GRM7: variants seen among roughly 807,000 people sequenced by gnomAD.
GRM7 encodes metabotropic glutamate receptor 7.
GRM7 carries 35 observed loss-of-function variants against 84.5 expected under a neutral mutation model. The ratio of observed to expected loss-of-function variants is 0.41; its 90% CI spans 0.32 to 0.55. GRM7 has a LOEUF of 0.55. GRM7 is among the 20% of genes least tolerant of loss of function. The pLI is 0.19. For synonymous variants in GRM7, 487 were observed against 455.1 expected, an observed-to-expected ratio of 1.07 and a Z score of -0.89; for missense variants, 1,003 against 1,194.6, an observed-to-expected ratio of 0.84 and a Z score of 2.36.
At chr3:6,972,177 C>A (rs1693782762) in intron 1 of GRM7, among the ~76,000 whole-genome samples, 2 of 152,114 alleles carry the variant, frequency 1.3e-5, no homozygotes, top group South Asian at 4.1e-4. Flanking sequence ...TGTGTTGTGG[C>A]ATTTTCTCAC....
At chr3:7,409,603 GTTTTGT>G (rs1695833230) in intron 4 of GRM7, among the ~76,000 whole-genome samples, 1 of 104,826 alleles carries the variant, frequency 9.5e-6, no homozygotes, top group African/African-American at 2.9e-5. Flanking sequence ...GTTTTGTTTT[GTTTTGT>G]TTTGTTTTTG....
chr3:7,074,745 G>T (rs1236959127), intron 1 of GRM7, among the ~76,000 whole-genome samples: 2 of 152,164 alleles, frequency 1.3e-5, no homozygotes, highest in Non-Finnish European at 2.9e-5. Flanking sequence ...AAATACCAAT[G>T]TAGAATAAAG....
In GRM7 at chr3:6,862,962, C is replaced by A. The variant is rs1457797924; in HGVS notation, c.519+1055C>A. On this transcript the variant is annotated intron_variant, in intron 1 of 9. Coordinates refer to ENST00000357716, the MANE Select transcript of GRM7 (RefSeq NM_000844.4). The surrounding 1 kb of genome is among the most constrained non-coding windows in gnomAD (Gnocchi z 5.2). ...TGCCGCAGTGTTCTCTCGCCTCCTG[C>A]TCCAGCAGCCTCTGCCCCATGGCTC... The A allele has an allele frequency of 2.2e-6, 1 of 456,060 alleles. No individual in the cohort carries two copies. Among genetic ancestry groups the A allele is most frequent in the Non-Finnish European group, 4.4e-6 (1 of 226,690 alleles). 28.3% of individuals were successfully genotyped at this position (456,060 alleles called of 1,614,324 possible).
At chr3:7,236,467 G>T (rs545299744) in intron 2 of GRM7, among the ~76,000 whole-genome samples, 2 of 152,150 alleles carry the variant, frequency 1.3e-5, no homozygotes, top group Non-Finnish European at 2.9e-5. Context: ...TGACTTGACA[G>T]CTCCTTCCAT....
chr3:6,987,153 A>G (rs989924106), intron 1 of GRM7, among the ~76,000 whole-genome samples: 5 of 151,720 alleles, frequency 3.3e-5, no homozygotes, highest in South Asian at 2.1e-4. Context: ...TTTTTCTTCT[A>G]GCCTTCTGTG....
intron 1 of GRM7, among the ~76,000 whole-genome samples, chr3:6,926,379 T>C (rs2163734): frequency 0.074 from 11,259 of 152,318 alleles, 568 homozygotes; most frequent in Non-Finnish European, 0.11. Context: ...TTTAATCTTA[T>C]GTTTTAAGAC....
At chr3:7,134,031 A>G (rs991859999) in intron 1 of GRM7, among the ~76,000 whole-genome samples, 2 of 152,186 alleles carry the variant, frequency 1.3e-5, no homozygotes, top group African/African-American at 4.8e-5. Flanking sequence ...AACCCCTCCC[A>G]TACTTATAAC....
At chr3:7,006,223 A>G (rs1695180052) in intron 1 of GRM7, among the ~76,000 whole-genome samples, 1 of 152,194 alleles carries the variant, frequency 6.6e-6, no homozygotes, top group Non-Finnish European at 1.5e-5. Flanking sequence ...TAGCCTTATC[A>G]TTTTTAGATA....
At chr3:7,497,760 A>ATCT (rs1699755798) in intron 7 of GRM7, among the ~76,000 whole-genome samples, 1 of 152,190 alleles carries the variant, frequency 6.6e-6, no homozygotes, top group African/African-American at 2.4e-5. Context: ...TTTAAGTCCT[A>ATCT]ACTTCACCAT....
Position 6,914,954 on chromosome 3 carries a change from C to A in GRM7, c.519+53047C>A, listed in dbSNP as rs1575008542. Among the ~76,000 whole-genome samples the A allele has an allele frequency of 3.9e-5, 6 of 152,098 alleles. No homozygotes were observed. The South Asian group carries it at 1.2e-3, about 32-fold the overall frequency. On this transcript the variant is annotated intron_variant, in intron 1 of 9. Coordinates refer to ENST00000357716, the MANE Select transcript of GRM7 (RefSeq NM_000844.4). ...ATAACAGCTAGGCCGATATTTTTGACAGGAACTCAAGAGGACAAAAAGAAA... is the reference window on the plus strand; with the variant it reads ...ATAACAGCTAGGCCGATATTTTTGAAAGGAACTCAAGAGGACAAAAAGAAA...
intron 4 of GRM7, among the ~76,000 whole-genome samples, chr3:7,404,288 ACTCCT>A (rs1695583080): frequency 1.3e-5 from 2 of 151,888 alleles, no homozygotes; most frequent in African/African-American, 4.8e-5. Context: ...CTTGGCAAGC[ACTCCT>A]CTTGTAATCT....
chr3:7,577,123 C>G (rs1464138670), intron 7 of GRM7, among the ~76,000 whole-genome samples: 1 of 152,146 alleles, frequency 6.6e-6, no homozygotes, highest in Non-Finnish European at 1.5e-5. Flanking sequence ...CAGAAAAAGT[C>G]AAGAAATTAA....
At chr3:7,101,523 A>T (rs1574905656) in intron 1 of GRM7, among the ~76,000 whole-genome samples, 1 of 150,998 alleles carries the variant, frequency 6.6e-6, no homozygotes, top group East Asian at 1.9e-4. Context: ...TTTATTTTGT[A>T]CTCAGTTCAT....
intron 1 of GRM7, among the ~76,000 whole-genome samples, chr3:7,129,210 T>C (rs956334784): frequency 1.3e-5 from 2 of 152,206 alleles, no homozygotes; most frequent in African/African-American, 4.8e-5. Flanking sequence ...AACAAACAAT[T>C]GATATCCTAC....
intron 9 of GRM7, among the ~76,000 whole-genome samples, chr3:7,710,568 AT>A (rs1701547236): frequency 6.6e-6 from 1 of 152,100 alleles, no homozygotes; most frequent in Non-Finnish European, 1.5e-5. Context: ...TCCACTGAGT[AT>A]TTCTGAAAAT....
chr3:6,900,655 G>A (rs1422398875), intron 1 of GRM7, among the ~76,000 whole-genome samples: 3 of 152,170 alleles, frequency 2.0e-5, no homozygotes, highest in Admixed American at 6.5e-5. Context: ...TTTTAAAAGG[G>A]AATGTGTTGG....
intron 1 of GRM7, among the ~76,000 whole-genome samples, chr3:7,006,978 T>C (rs1309395277): frequency 6.6e-6 from 1 of 152,224 alleles, no homozygotes; most frequent in Non-Finnish European, 1.5e-5. Context: ...TAAAAGGATA[T>C]GTTTATTAGA....
chr3:7,621,665 T>G (rs146026106), intron 8 of GRM7, among the ~76,000 whole-genome samples: 5 of 152,246 alleles, frequency 3.3e-5, no homozygotes, highest in Admixed American at 6.5e-5. Context: ...AGGGACATGT[T>G]TTTTTGTTGC....
chr3:7,680,768 CA>C (rs1417071376), intron 9 of GRM7: 1 of 165,300 alleles, frequency 6.0e-6, no homozygotes, highest in Non-Finnish European at 1.3e-5. Context: ...CTTCTAGAAA[CA>C]TATAAAATAT....
Sources: allele counts gnomAD v4.1 joint callset (sites outside exome capture counted in the v4.1 genomes callset), GRCh38; gene constraint gnomAD v4.1.1; non-coding constraint Gnocchi (gnomAD v3.1); transcripts MANE v1.5; gene names NCBI Gene and HGNC (gene_info 2026-07-23, HGNC 2026-07-21).